TRHDE: variants seen among roughly 807,000 people sequenced by gnomAD.
The protein encoded by TRHDE is thyrotropin-releasing hormone-degrading ectoenzyme.
A neutral mutation model predicts 125.7 loss-of-function variants in TRHDE; 72 were observed. The observed-to-expected ratio is 0.57, with a 90% CI of 0.47 to 0.70. The LOEUF (loss-of-function observed/expected upper bound fraction) is 0.70, where lower values mean the gene tolerates loss of function less well. Among genes scored for constraint, TRHDE ranks in the 30% least tolerant of loss-of-function variants. The probability of loss-of-function intolerance (pLI) is 0.00; values close to 1 mark genes in which losing one functional copy is unlikely to be tolerated. For synonymous variants in TRHDE, 509 were observed against 509.1 expected (o/e 1.00, Z 0.00); for missense variants, 1,110 against 1,327.1 (o/e 0.84, Z 2.54).
chr12:72,343,826 C>T (rs1416847109), intron 2 of TRHDE, among the ~76,000 whole-genome samples: 1 of 151,988 alleles, frequency 6.6e-6, no homozygotes, highest in East Asian at 1.9e-4. Flanking sequence ...GTGAGAGATC[C>T]CTTCTCAGGG....
intron 1 of TRHDE, among the ~76,000 whole-genome samples, chr12:72,104,123 A>G (rs1188397501): frequency 1.3e-5 from 2 of 152,136 alleles, no homozygotes; most frequent in African/African-American, 2.4e-5. Context: ...TCTGAAATAT[A>G]TGGGTGTGGG....
At chr12:72,340,179 A>G (rs1045671149) in intron 2 of TRHDE, among the ~76,000 whole-genome samples, 4 of 152,126 alleles carry the variant, frequency 2.6e-5, no homozygotes, top group African/African-American at 7.2e-5. Context: ...GGAACTCAGA[A>G]AATGATAGAG....
chr12:72,453,643 G>A (rs1475617534), intron 3 of TRHDE, among the ~76,000 whole-genome samples: 3 of 152,200 alleles, frequency 2.0e-5, no homozygotes, highest in Non-Finnish European at 2.9e-5. Context: ...GGCCTTGAAA[G>A]TATTTTAGAG....
chr12:72,271,650 T>G (rs554400122), upstream of TRHDE, among the ~76,000 whole-genome samples: 2 of 152,096 alleles, frequency 1.3e-5, no homozygotes. Flanking sequence ...CTCCTTTGCC[T>G]TTCTCTGGGA....
chr12:72,582,244 T>C (rs1477016407), intron 12 of TRHDE: 4 of 982,368 alleles, frequency 4.1e-6, no homozygotes, highest in Non-Finnish European at 3.6e-6. Context: ...ATTTGAGATA[T>C]ATTAGAAGCC....
intron 2 of TRHDE, among the ~76,000 whole-genome samples, chr12:72,345,453 G>C (rs1213000914): frequency 6.6e-6 from 1 of 152,028 alleles, no homozygotes; most frequent in Non-Finnish European, 1.5e-5. Context: ...TAAATAACAA[G>C]TACATAAATA....
At chr12:72,160,808 C>T (rs1876621032) in intron 2 of TRHDE, among the ~76,000 whole-genome samples, 1 of 152,162 alleles carries the variant, frequency 6.6e-6, no homozygotes, top group Non-Finnish European at 1.5e-5. Flanking sequence ...CCCTCTACCC[C>T]ACGTAGTTCC....
chr12:72,113,588 G>A (rs1005156945), intron 2 of TRHDE, among the ~76,000 whole-genome samples: 4 of 151,642 alleles, frequency 2.6e-5, no homozygotes, highest in Non-Finnish European at 4.4e-5. Context: ...ATGAGCCACC[G>A]CACCCAATTC....
At chr12:72,350,253 CACA>C (rs1370508041) in intron 2 of TRHDE, among the ~76,000 whole-genome samples, 4 of 151,910 alleles carry the variant, frequency 2.6e-5, no homozygotes, top group Non-Finnish European at 5.9e-5. Context: ...AGACGATTGG[CACA>C]ACCTTTCCTT....
At chr12:72,595,350 TCTA>T (rs143554295) in intron 12 of TRHDE, among the ~76,000 whole-genome samples, 8,948 of 152,110 alleles carry the variant, frequency 0.059, 364 homozygotes, top group Admixed American at 0.13. Flanking sequence ...TTACGAATTA[TCTA>T]CTAAGATTTG....
chr12:72,095,880 G>C (rs1488608388), intron 1 of TRHDE, among the ~76,000 whole-genome samples: 1 of 152,122 alleles, frequency 6.6e-6, no homozygotes, highest in African/African-American at 2.4e-5. Context: ...TAAATCAGTG[G>C]AATTTGAGTA....
intron 5 of TRHDE, among the ~76,000 whole-genome samples, chr12:72,493,274 A>G (rs1877765341): frequency 6.6e-6 from 1 of 151,988 alleles, no homozygotes; most frequent in Non-Finnish European, 1.5e-5. Context: ...AAAAGGAAAT[A>G]ACTGTATTTG....
chr12:72,324,415 C>T (rs1262086827), intron 2 of TRHDE, among the ~76,000 whole-genome samples: 1 of 151,962 alleles, frequency 6.6e-6, no homozygotes, highest in African/African-American at 2.4e-5. Flanking sequence ...GGAGGATTTA[C>T]AGCAAAGGAG....
chr12:72,326,932 A>G (rs888915650), intron 2 of TRHDE, among the ~76,000 whole-genome samples: 2 of 152,054 alleles, frequency 1.3e-5, no homozygotes, highest in African/African-American at 4.8e-5. Context: ...CTGCTGAGCT[A>G]GATGATTATA....
At chr12:72,152,517 G>A (rs1367683186) in intron 2 of TRHDE, among the ~76,000 whole-genome samples, 3 of 152,174 alleles carry the variant, frequency 2.0e-5, no homozygotes, top group African/African-American at 7.2e-5. Flanking sequence ...CATTCAGTAT[G>A]ATATTGGCTG....
At chr12:72,629,580 C>T (rs574520410) in intron 15 of TRHDE, among the ~76,000 whole-genome samples, 38 of 151,646 alleles carry the variant, frequency 2.5e-4, no homozygotes, top group Admixed American at 7.3e-4. Context: ...CTAAGAACAA[C>T]GCTTATTAAA....
chr12:72,352,032 T>C (rs1271606897), intron 2 of TRHDE, among the ~76,000 whole-genome samples: 3 of 152,064 alleles, frequency 2.0e-5, no homozygotes, highest in Middle Eastern at 3.4e-3. Context: ...TAGACTCTTA[T>C]AATGTTGACC....
chr12:72,124,667 G>A (rs1421948954), intron 2 of TRHDE, among the ~76,000 whole-genome samples: 1 of 152,094 alleles, frequency 6.6e-6, no homozygotes, highest in African/African-American at 2.4e-5. Context: ...TGCTTATTCA[G>A]AGCTACGGTG....
chr12:72,579,089 T>A (rs887431866), intron 12 of TRHDE, among the ~76,000 whole-genome samples: 1 of 151,794 alleles, frequency 6.6e-6, no homozygotes, highest in Non-Finnish European at 1.5e-5. Flanking sequence ...AGAATCAAGA[T>A]TGCAATGAGT....
Sources: allele counts gnomAD v4.1 joint callset (sites outside exome capture counted in the v4.1 genomes callset), GRCh38; gene constraint gnomAD v4.1.1; transcripts MANE v1.5; gene names NCBI Gene and HGNC (gene_info 2026-07-23, HGNC 2026-07-21).